KRT81: variants seen among roughly 807,000 people sequenced by gnomAD.
KRT81 encodes keratin, type II cuticular Hb1.
In KRT81, 35 loss-of-function variants were observed where a neutral mutation model predicts 35.8. The ratio of observed to expected loss-of-function variants is 0.98; its 90% CI spans 0.75 to 1.30. The LOEUF is 1.30. Among genes scored for constraint, KRT81 ranks in the 50% most tolerant of loss-of-function variants. The pLI is 0.00. For synonymous variants in KRT81, 249 were observed against 251.2 expected, an observed-to-expected ratio of 0.99 and a Z score of 0.08; for missense variants, 531 against 577.4, an observed-to-expected ratio of 0.92 and a Z score of 0.82.
chr12:52,288,578 C>T lies in KRT81; in HGVS notation c.640-122G>A, dbSNP rs1352710511. The T allele has an allele frequency of 5.2e-6, 6 of 1,155,762 alleles. No homozygotes were observed. In the Admixed American group the frequency reaches 8.4e-5, roughly 16 times the overall value. The allele number at this position is 1,155,762 out of a possible 1,614,324, so 71.6% of individuals were successfully genotyped here. A position where few individuals can be genotyped will look rare whatever the true frequency, so the allele number is the denominator to read the frequency against. On this transcript the variant is annotated intron_variant, in intron 3 of 8. Transcript: ENST00000327741. Reference sequence around the variant, plus strand: ...AGTCCCTGGTGTCCCATTCCCATGCCTTTCCTCCCCTTCTGCCCTTCCTGG... The same window carrying T: ...AGTCCCTGGTGTCCCATTCCCATGCTTTTCCTCCCCTTCTGCCCTTCCTGG...
chr12:52,287,901 C>G, intron 5 of KRT81, 83 bp downstream of exon 5: 1 of 1,611,614 alleles, frequency 6.2e-7, no homozygotes, highest in Non-Finnish European at 8.5e-7. Context: ...GACCAGCATC[C>G]CCAGAAAAGG....
chr12:52,287,851 C>T, intron 5 of KRT81, 130 bp from the exon 6 acceptor site: 1 of 1,601,400 alleles, frequency 6.2e-7, no homozygotes, highest in Non-Finnish European at 8.5e-7. Flanking sequence ...GCCCTGCCAC[C>T]CCAACCTCAG....
Position 52,287,596 on chromosome 12 carries a change from C to T in KRT81, c.1026G>A (p.Gln342=). The T allele has an allele frequency of 5.0e-6, 8 of 1,613,960 alleles. No homozygotes were observed. The highest frequency in any genetic ancestry group is 6.8e-6 in the Non-Finnish European group (8 of 1,179,844). ...GACCTTGCGCACAGATGCCCCATAC[C>T]TGGCACTTGGCATTCTCCACCTCGG... ...LTAEVENAKC[Q]NSKLEAAVAQ... The change falls in exon 6 of 9, where the codon CAG becomes CAA. Residue 342 remains glutamine, a splice_region_variant and synonymous_variant. Transcript: ENST00000327741.
rs956977110 is a variant in KRT81 at position 52,286,331 on chromosome 12, C to A, written c.1442G>T (p.Gly481Val). The A allele has an allele frequency of 1.3e-6, 2 of 1,554,942 alleles. No individual in the cohort carries two copies. The highest frequency in any genetic ancestry group is 2.4e-5 in the South Asian group (2 of 84,264). ...CGQLNTTCGGGSCGVGSCGIS... is the reference protein window; with the variant it reads ...CGQLNTTCGGVSCGVGSCGIS... Reference sequence around the variant, plus strand: ...ACCACAGGAGCCCACGCCGCAGGAACCCCCTCCGCAGGTGGTGTTCAATTG... The same window carrying A: ...ACCACAGGAGCCCACGCCGCAGGAAACCCCTCCGCAGGTGGTGTTCAATTG... The change falls in exon 9 of 9, where the codon GGT (glycine) becomes GTT (valine). Residue 481 changes from glycine (G) to valine (V), a missense_variant. Transcript: ENST00000327741.
chr12:52,287,706 C>T lies in KRT81; in HGVS notation c.916G>A (p.Ala306Thr), dbSNP rs1471590249. ...GTCTCCCCGTGCCTGATCACCGTGG[C>T]CTTCATCTCCTCACACTGGGGGAAG... is the stretch of plus-strand genomic sequence containing the variant. ...WYRSKCEEMK[A>T]TVIRHGETLR... Residue 306 changes from alanine to threonine, a missense_variant, in exon 6 of 9, where the codon GCC becomes ACC. Around this residue, in one of 5 missense-constraint regions of KRT81, gnomAD observed 194 missense variants for 198.2 expected, o/e 0.98. Coordinates refer to ENST00000327741, the MANE Select transcript of KRT81 (RefSeq NM_002281.4). 1.2e-6 allele frequency: 2 copies of T among 1,614,024 alleles called. No homozygotes were observed. The highest frequency in any genetic ancestry group is 1.7e-6 in the Non-Finnish European group (2 of 1,179,944).
chr12:52,288,033 T>C lies in KRT81; in HGVS notation c.851A>G (p.Asp284Gly), dbSNP rs369316032. ...CTCGGCCCGGCTGCGGGTGACAATG[T>C]CGTCATACTGTGCCTTAATCTCGGC... is the stretch of plus-strand genomic sequence containing the variant. ...IIAEIKAQYD[D>G]IVTRSRAEAE... The change falls in exon 5 of 9, where the codon GAC becomes GGC. Residue 284 changes from aspartate to glycine, a missense_variant. Around this residue, in one of 5 missense-constraint regions of KRT81, gnomAD observed 194 missense variants for 198.2 expected, o/e 0.98. Transcript: ENST00000327741. 27 of 1,614,088 alleles carry C rather than the reference T, an allele frequency of 1.7e-5. No individual in the cohort carries two copies. Among genetic ancestry groups the C allele is most frequent in the Non-Finnish European group, 2.2e-5 (26 of 1,180,056 alleles).
intron 7 of KRT81, 121 bp downstream of exon 7, chr12:52,286,981 C>T (rs551405099): frequency 4.7e-5 from 74 of 1,574,800 alleles, no homozygotes; most frequent in African/African-American, 1.8e-4. Flanking sequence ...CTCCCCACAC[C>T]GGAAGTGAAT....
chr12:52,291,251 C>T lies in KRT81; in HGVS notation c.215G>A (p.Gly72Glu). The change falls in exon 1 of 9, where the codon GGG (glycine) becomes GAG (glutamate). Residue 72 changes from glycine (G) to glutamate (E), a missense_variant. Gly to Glu is a moderately conservative substitution (Grantham distance 98). Coordinates refer to ENST00000327741, the MANE Select transcript of KRT81 (RefSeq NM_002281.4). ...GGTGGTGATGCATGGGGGACTGGGC[C>T]CGCACACGCCCCCGGAGCGGTAGCC... ...SFGYRSGGVC[G>E]PSPPCITTVS... is the part of the protein sequence containing the mutation. 4 of 1,514,688 alleles carry T rather than the reference C, an allele frequency of 2.6e-6. No homozygotes were observed. Among genetic ancestry groups the T allele is most frequent in the Non-Finnish European group, 3.5e-6 (4 of 1,129,008 alleles). 93.8% of individuals were successfully genotyped at this position (1,514,688 alleles called of 1,614,324 possible).
chr12:52,288,361 C>T lies in KRT81; in HGVS notation c.735G>A (p.Glu245=), dbSNP rs375635026. The T allele has an allele frequency of 1.7e-4, 271 of 1,613,974 alleles. No individual in the cohort carries two copies. Among genetic ancestry groups the T allele is most frequent in the Non-Finnish European group, 2.2e-4 (265 of 1,179,984 alleles). Residue 245 remains glutamate (E), a splice_region_variant and synonymous_variant, in exon 4 of 9, where the codon GAG becomes GAA. Transcript: ENST00000327741. ...EIDFLRRLYE[E]EILILQSHIS... ...TTCTGTCTGGCCCCTGAGCCCGCAC[C>T]TCCTCATACAGCCGCCTCAGGAAGT... is the stretch of plus-strand genomic sequence containing the variant.
Position 52,286,779 on chromosome 12 carries a change from C to T in KRT81, c.1279+12G>A, listed in dbSNP as rs1937955162. ...TTAGTAAATCTGTCCACACTGGACC[C>T]CAAATACTCACAGACATTCACAGCC... is the stretch of plus-strand genomic sequence containing the variant. On this transcript the variant is annotated intron_variant, in intron 8 of 8. Coordinates refer to ENST00000327741, the MANE Select transcript of KRT81 (RefSeq NM_002281.4). 1 of 1,613,714 alleles carries T rather than the reference C, an allele frequency of 6.2e-7. No homozygotes were observed. Among genetic ancestry groups the T allele is most frequent in the East Asian group, 2.2e-5 (1 of 44,884 alleles).
intron 4 of KRT81, 60 bp from the exon 5 acceptor site, chr12:52,288,208 A>C (rs1041093183): frequency 1.9e-4 from 298 of 1,594,276 alleles, no homozygotes; most frequent in Non-Finnish European, 2.4e-4. Context: ...CCATGTCCTG[A>C]CTCCACCTCC....
At chr12:52,288,486 G>C in intron 3 of KRT81, 30 bp from the exon 4 acceptor site, 2 of 1,612,776 alleles carry the variant, frequency 1.2e-6, no homozygotes, top group Non-Finnish European at 1.7e-6. Flanking sequence ...TGGAGCTCAA[G>C]GACCCTGGTG....
rs1430242932 is a variant in KRT81 at position 52,288,122 on chromosome 12, G to C, written c.762C>G (p.Ile254Met). 4 of 1,614,058 alleles carry C rather than the reference G, an allele frequency of 2.5e-6. No homozygotes were observed. In the Admixed American group the frequency reaches 5.0e-5, roughly 20 times the overall value. The change falls in exon 5 of 9, where the codon ATC becomes ATG. Residue 254 changes from isoleucine to methionine, a missense_variant. Around this residue, in one of 5 missense-constraint regions of KRT81, gnomAD observed 194 missense variants for 198.2 expected, o/e 0.98. Coordinates refer to ENST00000327741, the MANE Select transcript of KRT81 (RefSeq NM_002281.4). Reference sequence around the variant, plus strand: ...GCTTGACAACCACGGAGGTGTCTGAGATGTGCGACTGGAGAATGAGGATCT... The same window carrying C: ...GCTTGACAACCACGGAGGTGTCTGACATGTGCGACTGGAGAATGAGGATCT... ...EEEILILQSH[I>M]SDTSVVVKLD...
At position 52,288,128 on chromosome 12, in the gene KRT81, C is replaced by G. The variant is rs551734514; in HGVS notation, c.756G>C (p.Ser252=). 4.2e-4 allele frequency: 678 copies of G among 1,613,728 alleles called. 6 individuals carry two copies. The highest frequency in any genetic ancestry group is 1.5e-3 in the South Asian group (133 of 91,036). The change falls in exon 5 of 9, where the codon TCG becomes TCC. Residue 252 remains serine (S), a synonymous_variant. Transcript: ENST00000327741. ...CAACCACGGAGGTGTCTGAGATGTG[C>G]GACTGGAGAATGAGGATCTCCTGCA... ...LYEEEILILQ[S]HISDTSVVVK...
In KRT81 at chr12:52,291,350, C is replaced by T. The variant is rs1025401432; in HGVS notation, c.116G>A (p.Arg39His). ...GCTGCCGAAGCCCCCGGTGAGGCCG[C>T]GGTAGCAGGAGATGCCACGGTAGGG... Reference protein sequence around the residue: ...AAPYRGISCYRGLTGGFGSHS... With the variant: ...AAPYRGISCYHGLTGGFGSHS... The change falls in exon 1 of 9, where the codon CGC becomes CAC. Residue 39 changes from arginine to histidine, a missense_variant. Arg to His is a conservative substitution (Grantham distance 29). Coordinates refer to ENST00000327741, the MANE Select transcript of KRT81 (RefSeq NM_002281.4). 1.3e-6 allele frequency: 2 copies of T among 1,585,780 alleles called. No homozygotes were observed. Among genetic ancestry groups the T allele is most frequent in the East Asian group, 2.3e-5 (1 of 43,492 alleles).
intron 3 of KRT81, among the ~76,000 whole-genome samples, chr12:52,288,810 G>C (rs1397822048): frequency 1.3e-5 from 2 of 152,020 alleles, no homozygotes; most frequent in Non-Finnish European, 2.9e-5. Flanking sequence ...GGCTGCTCCT[G>C]GTTCTTCTCC....
At position 52,288,479 on chromosome 12, in the gene KRT81, A is replaced by G. The variant is rs201353392; in HGVS notation, c.640-23T>C. 1.6e-5 allele frequency: 26 copies of G among 1,613,560 alleles called. No homozygotes were observed. The East Asian group carries it at 5.1e-4, about 32-fold the overall frequency. On this transcript the variant is annotated intron_variant, in intron 3 of 8. Transcript: ENST00000327741. ...ATCCTGGAAAGGTGGGGAGTGTTGG[A>G]GCTCAAGGACCCTGGTGATCCAGCC...
rs370777625 is a variant in KRT81 at position 52,287,561 on chromosome 12, C to T, written c.1026+35G>A. The T allele has an allele frequency of 1.7e-5, 28 of 1,613,912 alleles. No homozygotes were observed. In the East Asian group the frequency reaches 1.8e-4, roughly 10 times the overall value. On this transcript the variant is annotated intron_variant, in intron 6 of 8. Transcript: ENST00000327741. ...GGCTGTGTGACAATGGTTAGGCCCT[C>T]GGTCTCTCTGACCTTGCGCACAGAT...
chr12:52,286,811 C>G lies in KRT81; in HGVS notation c.1259G>C (p.Gly420Ala), dbSNP rs1397464037. The G allele has an allele frequency of 6.2e-7, 1 of 1,614,030 alleles. No individual in the cohort carries two copies. Among genetic ancestry groups the G allele is most frequent in the Non-Finnish European group, 8.5e-7 (1 of 1,179,986 alleles). Residue 420 changes from glycine (G) to alanine (A), a missense_variant, in exon 8 of 9, where the codon GGC becomes GCC. Around this residue, in one of 5 missense-constraint regions of KRT81, gnomAD observed 150 missense variants for 145.4 expected, o/e 1.03. Coordinates refer to ENST00000327741, the MANE Select transcript of KRT81 (RefSeq NM_002281.4). ...LEGEEQRLCE[G>A]IGAVNVCVSS... ...CTCACAGACATTCACAGCCCCAATG[C>G]CTTCACATAGCCTGAGGGCAAAAGA...
Sources: allele counts gnomAD v4.1 joint callset (sites outside exome capture counted in the v4.1 genomes callset), GRCh38; gene constraint gnomAD v4.1.1; regional missense constraint gnomAD v4.1.1; transcripts MANE v1.5; gene names NCBI Gene and HGNC (gene_info 2026-07-23, HGNC 2026-07-21).